PPARGC1A: variants seen among roughly 807,000 people sequenced by gnomAD.
The protein encoded by PPARGC1A is PPARG coactivator 1 alpha.
In PPARGC1A, 25 loss-of-function variants were observed where a neutral mutation model predicts 88.7. The observed-to-expected ratio is 0.28, with a 90% CI of 0.21 to 0.39. The LOEUF is 0.39. PPARGC1A is among the 10% of genes least tolerant of loss of function. The pLI is 1.00. For missense variants in PPARGC1A, 880 were observed against 968.7 expected, an observed-to-expected ratio of 0.91 and a Z score of 1.22; for synonymous variants, 363 against 355.6, an observed-to-expected ratio of 1.02 and a Z score of -0.24.
At chr4:24,117,707 T>C in the PPARGC1A span, among the ~76,000 whole-genome samples, 3 of 151,792 alleles carry the variant, frequency 2.0e-5, no homozygotes, top group Non-Finnish European at 4.4e-5. Flanking sequence ...TAAGACCAGA[T>C]GACAGAGGGA....
chr4:24,253,521 C>T, the PPARGC1A span, among the ~76,000 whole-genome samples: 6 of 152,098 alleles, frequency 3.9e-5, no homozygotes, highest in Non-Finnish European at 7.4e-5. Flanking sequence ...TCAACTTTTC[C>T]GTAGCTTTGA....
chr4:24,411,073 T>C, the PPARGC1A span, among the ~76,000 whole-genome samples: 3 of 152,024 alleles, frequency 2.0e-5, no homozygotes, highest in Non-Finnish European at 4.4e-5. Flanking sequence ...CTTAATGAGG[T>C]TTTTGCATTT....
chr4:24,126,150 T>G, the PPARGC1A span, among the ~76,000 whole-genome samples: 1 of 152,148 alleles, frequency 6.6e-6, no homozygotes, highest in Non-Finnish European at 1.5e-5. Context: ...CAGATCTTGC[T>G]GGGTCTACAA....
At chr4:23,808,797 G>A (rs1426290222) in intron 10 of PPARGC1A, among the ~76,000 whole-genome samples, 1 of 151,968 alleles carries the variant, frequency 6.6e-6, no homozygotes, top group East Asian at 1.9e-4. Flanking sequence ...ACTCAACTTG[G>A]GCTGAATTAG....
the PPARGC1A span, among the ~76,000 whole-genome samples, chr4:23,932,308 T>TAGTTCCTCGCTG: frequency 6.6e-6 from 1 of 152,108 alleles, no homozygotes; most frequent in Admixed American, 6.5e-5. Flanking sequence ...GTTCCTCGCT[T>TAGTTCCTCGCTG]GGCTGGGAAC....
chr4:24,180,651 C>G, the PPARGC1A span, among the ~76,000 whole-genome samples: 2 of 152,168 alleles, frequency 1.3e-5, no homozygotes, highest in African/African-American at 4.8e-5. Flanking sequence ...TTGGTCCCCA[C>G]TGACTTTTTT....
At chr4:24,256,563 A>C in the PPARGC1A span, among the ~76,000 whole-genome samples, 2 of 152,192 alleles carry the variant, frequency 1.3e-5, no homozygotes, top group African/African-American at 2.4e-5. Flanking sequence ...GGTCTCATTT[A>C]GTACAAATTT....
chr4:24,208,213 T>C, the PPARGC1A span, among the ~76,000 whole-genome samples: 4,971 of 151,414 alleles, frequency 0.033, 175 homozygotes, highest in East Asian at 0.15. Context: ...AGCCTTGGAG[T>C]GTGAGGCTGC....
intron 7 of PPARGC1A, among the ~76,000 whole-genome samples, chr4:23,819,982 A>G (rs1233898463): frequency 6.6e-6 from 1 of 152,202 alleles, no homozygotes; most frequent in Admixed American, 6.5e-5. Flanking sequence ...AAAAGGCTAC[A>G]GCCGTTTGTC....
Position 23,815,516 on chromosome 4 carries a change from A to G in PPARGC1A, c.878-911T>C, listed in dbSNP as rs139973385. On this transcript the variant is annotated intron_variant, in intron 7 of 12. Coordinates refer to ENST00000264867, the MANE Select transcript of PPARGC1A (RefSeq NM_013261.5). Reference sequence around the variant, plus strand: ...CTAACTAATTAAATAAATAAAAAGGAAGAAAGAGGAACAGCCATCAGCTGT... The same window carrying G: ...CTAACTAATTAAATAAATAAAAAGGGAGAAAGAGGAACAGCCATCAGCTGT... Among the ~76,000 whole-genome samples the G allele has an allele frequency of 4.6e-3, 700 of 152,220 alleles. 3 individuals are homozygous for G. Among genetic ancestry groups the G allele is most frequent in the African/African-American group, 0.014 (602 of 41,544 alleles).
At chr4:24,317,183 T>C in the PPARGC1A span, among the ~76,000 whole-genome samples, 76 of 152,170 alleles carry the variant, frequency 5.0e-4, 1 homozygote, top group African/African-American at 1.7e-3. Context: ...CCTTAACCAT[T>C]GCAACTCAAC....
the PPARGC1A span, among the ~76,000 whole-genome samples, chr4:24,414,023 C>T: frequency 2.6e-5 from 4 of 152,276 alleles, no homozygotes; most frequent in Admixed American, 6.5e-5. Context: ...CCACGGTTGT[C>T]GGTCTCCAAA....
intron 7 of PPARGC1A, 56 bp downstream of exon 7, chr4:23,824,220 TACAC>T: frequency 1.4e-6 from 2 of 1,381,008 alleles, no homozygotes; most frequent in Non-Finnish European, 2.1e-6. Context: ...GTTATCTTAT[TACAC>T]ACACACACAT....
the PPARGC1A span, among the ~76,000 whole-genome samples, chr4:24,429,940 C>T: frequency 2.0e-5 from 3 of 151,966 alleles, no homozygotes; most frequent in East Asian, 1.9e-4. Context: ...TGTGAGACAC[C>T]GCACCTGGTC....
At chr4:24,198,373 C>T in the PPARGC1A span, among the ~76,000 whole-genome samples, 1 of 152,198 alleles carries the variant, frequency 6.6e-6, no homozygotes, top group East Asian at 1.9e-4. Context: ...AAACTCCCTA[C>T]CTTGGCTTAC....
chr4:24,216,567 T>C, the PPARGC1A span, among the ~76,000 whole-genome samples: 3 of 152,208 alleles, frequency 2.0e-5, no homozygotes, highest in Non-Finnish European at 4.4e-5. Flanking sequence ...GCTGAGACTT[T>C]TTTTGCCCTT....
the PPARGC1A span, among the ~76,000 whole-genome samples, chr4:24,372,744 ATCTC>A: frequency 5.9e-5 from 9 of 152,106 alleles, no homozygotes; most frequent in African/African-American, 2.2e-4. Context: ...TACTTTATTA[ATCTC>A]TCTAAGCCTC....
the PPARGC1A span, among the ~76,000 whole-genome samples, chr4:24,147,124 A>G: frequency 6.6e-6 from 1 of 152,108 alleles, no homozygotes; most frequent in African/African-American, 2.4e-5. Context: ...GTTTTCATTG[A>G]CACCAACTGT....
the PPARGC1A span, among the ~76,000 whole-genome samples, chr4:24,387,307 C>A: frequency 6.6e-6 from 1 of 152,120 alleles, no homozygotes; most frequent in Admixed American, 6.5e-5. Flanking sequence ...AAAACCTAGA[C>A]AATACCATTC....
Sources: gnomAD v4.1 joint callset for allele counts (sites outside exome capture counted in the v4.1 genomes callset) on GRCh38, gnomAD v4.1.1 for gene constraint, MANE v1.5 for transcripts, NCBI Gene and HGNC (gene_info 2026-07-23, HGNC 2026-07-21) for gene names.